OTC: variants seen among roughly 807,000 people sequenced by gnomAD.
The protein encoded by OTC is ornithine transcarbamylase.
OTC carries 3 observed loss-of-function variants against 30.3 expected under a neutral mutation model. That is an observed-to-expected ratio of 0.10 (90% confidence interval 0.05 to 0.26). The LOEUF (loss-of-function observed/expected upper bound fraction) is 0.26, where lower values mean the gene tolerates loss of function less well. OTC is among the 10% of genes least tolerant of loss of function. The probability of loss-of-function intolerance (pLI) is 1.00; values close to 1 mark genes in which losing one functional copy is unlikely to be tolerated. For missense variants in OTC, 194 were observed against 260.3 expected (o/e 0.75, Z 1.75); for synonymous variants, 111 against 99.7 (o/e 1.11, Z -0.67).
At chrX:38,419,575 A>ATTTT (rs200010330) in intron 9 of OTC, among the ~76,000 whole-genome samples, 1 of 111,404 alleles carries the variant, frequency 9.0e-6, no homozygotes, top group South Asian at 3.7e-4. Flanking sequence ...TACCTAAGTA[A>ATTTT]TTTTTTGTTG....
chrX:38,331,197 G>C, the OTC span, among the ~76,000 whole-genome samples: 4 of 111,612 alleles, frequency 3.6e-5, no homozygotes, highest in East Asian at 1.1e-3. Flanking sequence ...ATGTAGAGGG[G>C]CTGGCCTTAG....
the OTC span, among the ~76,000 whole-genome samples, chrX:38,341,477 A>G: frequency 8.9e-6 from 1 of 111,964 alleles, no homozygotes; most frequent in Admixed American, 9.5e-5. Flanking sequence ...GGGGGAACCT[A>G]CTTTAGAAAA....
chrX:38,417,102 A>AT (rs1279897298), intron 9 of OTC, among the ~76,000 whole-genome samples: 1 of 111,310 alleles, frequency 9.0e-6, no homozygotes, highest in African/African-American at 3.3e-5. Context: ...ATATTTTTAT[A>AT]TTTTTTTGTC....
chrX:38,414,326 A>G (rs1349358342), intron 9 of OTC, among the ~76,000 whole-genome samples: 3 of 112,002 alleles, frequency 2.7e-5, no homozygotes, highest in Non-Finnish European at 5.6e-5. Flanking sequence ...TAAATACGTA[A>G]TGTATTCACA....
At chrX:38,376,195 G>A (rs2068347079) in intron 3 of OTC, among the ~76,000 whole-genome samples, 1 of 110,531 alleles carries the variant, frequency 9.0e-6, no homozygotes, top group Non-Finnish European at 1.9e-5. Flanking sequence ...TGAGAAGAGA[G>A]GAACTAGAAA....
At chrX:38,400,904 G>C (rs2068482010) in intron 4 of OTC, among the ~76,000 whole-genome samples, 1 of 112,473 alleles carries the variant, frequency 8.9e-6, no homozygotes. Flanking sequence ...TTTTCTGTTG[G>C]ATGATGTGAA....
At chrX:38,369,985 G>T (rs765388988) in intron 3 of OTC, 108 bp downstream of exon 3, 1 of 511,534 alleles carries the variant, frequency 2.0e-6, no homozygotes, top group African/African-American at 2.3e-5. Flanking sequence ...CAACCACAAA[G>T]AAAAAATCAT....
chrX:38,421,263 A>G lies in OTC; in HGVS notation c.*181A>G. 1 of 441,727 alleles carries G rather than the reference A, an allele frequency of 2.3e-6. No individual in the cohort carries two copies. The highest frequency in any genetic ancestry group is 4.0e-5 in the East Asian group (1 of 25,075). 36.4% of individuals were successfully genotyped at this position (441,727 alleles called of 1,213,427 possible). On this transcript the variant is annotated 3_prime_UTR_variant, in exon 10 of 10. Coordinates refer to ENST00000039007, the MANE Select transcript of OTC (RefSeq NM_000531.6). ...AAGCCTTTAATTTAAGTGCTGATGC[A>G]CTGTAATACGTGCTTAACTTTGCTT... is the stretch of plus-strand genomic sequence containing the variant.
intron 4 of OTC, among the ~76,000 whole-genome samples, chrX:38,394,425 A>G (rs1425487426): frequency 1.8e-5 from 2 of 112,167 alleles, no homozygotes; most frequent in African/African-American, 6.5e-5. Context: ...AGAAAAAAGG[A>G]GAGTCTGTCT....
At chrX:38,339,772 A>G in the OTC span, among the ~76,000 whole-genome samples, 9 of 111,666 alleles carry the variant, frequency 8.1e-5, no homozygotes, top group African/African-American at 1.6e-4. Context: ...GTTAAAATGC[A>G]TATAAAAATC....
chrX:38,410,755 T>C (rs898559684), intron 8 of OTC, among the ~76,000 whole-genome samples: 1 of 112,275 alleles, frequency 8.9e-6, no homozygotes, highest in African/African-American at 3.2e-5. Context: ...TTGCTGGTGC[T>C]GGAACTGTAG....
At chrX:38,328,259 C>T in the OTC span, among the ~76,000 whole-genome samples, 6 of 112,251 alleles carry the variant, frequency 5.3e-5, no homozygotes, top group Non-Finnish European at 9.4e-5. Flanking sequence ...TGGACATGGG[C>T]CCTAGAATCA....
chrX:38,404,036 C>T (rs1300250283), intron 6 of OTC, among the ~76,000 whole-genome samples: 1 of 112,340 alleles, frequency 8.9e-6, no homozygotes, highest in East Asian at 2.8e-4. Flanking sequence ...TGATGACTGG[C>T]ATTGTGCATT....
At chrX:38,387,153 T>A (rs1009209997) in intron 4 of OTC, among the ~76,000 whole-genome samples, 3 of 112,049 alleles carry the variant, frequency 2.7e-5, no homozygotes, top group East Asian at 5.6e-4. Context: ...TGACTTTTAT[T>A]TTTTTGCTGT....
intron 6 of OTC, among the ~76,000 whole-genome samples, chrX:38,407,029 C>T (rs1255014934): frequency 2.7e-5 from 3 of 112,514 alleles, no homozygotes; most frequent in Non-Finnish European, 5.6e-5. Flanking sequence ...GCAGGACAGG[C>T]AGGATGCTTA....
At chrX:38,396,580 C>T (rs2068458314) in intron 4 of OTC, among the ~76,000 whole-genome samples, 1 of 110,709 alleles carries the variant, frequency 9.0e-6, no homozygotes, top group Non-Finnish European at 1.9e-5. Context: ...TGAAACCAGC[C>T]AGGCCAACAT....
chrX:38,372,279 C>T (rs1487997068), intron 3 of OTC, among the ~76,000 whole-genome samples: 2 of 111,693 alleles, frequency 1.8e-5, no homozygotes, highest in East Asian at 5.6e-4. Flanking sequence ...TCACTCAATC[C>T]TCATGGCAAC....
chrX:38,386,474 A>G (rs2068403738), intron 4 of OTC, among the ~76,000 whole-genome samples: 2 of 109,525 alleles, frequency 1.8e-5, no homozygotes, highest in Admixed American at 9.8e-5. Context: ...CCCACCTCCA[A>G]CCCCTGGCAA....
the OTC span, among the ~76,000 whole-genome samples, chrX:38,331,490 G>A: frequency 1.0e-5 from 1 of 96,434 alleles, no homozygotes; most frequent in Non-Finnish European, 2.0e-5. Flanking sequence ...CATGATATTG[G>A]TCAGGCTGGT....
Sources: allele counts gnomAD v4.1 joint callset (sites outside exome capture counted in the v4.1 genomes callset), GRCh38; gene constraint gnomAD v4.1.1; transcripts MANE v1.5; gene names NCBI Gene and HGNC (gene_info 2026-07-23, HGNC 2026-07-21).